Variants in RAD51B observed in about 807,000 individuals in gnomAD.
RAD51B encodes the protein DNA repair protein RAD51 homolog 2.
In RAD51B, 38 loss-of-function variants were observed where a neutral mutation model predicts 42.2. The observed-to-expected ratio is 0.90, with a 90% CI of 0.70 to 1.18. The LOEUF is 1.18. Among genes scored for constraint, RAD51B ranks in the 50% most tolerant of loss-of-function variants. RAD51B has a pLI of 0.00. For synonymous variants in RAD51B, 154 were observed against 145.2 expected (o/e 1.06, Z -0.43); for missense variants, 373 against 400.7 (o/e 0.93, Z 0.59).
At chr14:68,514,302 G>A (rs533050417) in intron 10 of RAD51B, among the ~76,000 whole-genome samples, 3 of 152,188 alleles carry the variant, frequency 2.0e-5, no homozygotes, top group Non-Finnish European at 2.9e-5. Context: ...CAGTCTTGCA[G>A]CACTTAGCAG....
chr14:68,156,460 T>TCTCTCTCC (rs2078510593), intron 7 of RAD51B, among the ~76,000 whole-genome samples: 1 of 136,266 alleles, frequency 7.3e-6, no homozygotes, highest in Non-Finnish European at 1.6e-5. Context: ...AAAATTTCTC[T>TCTCTCTCC]CTCTCTCTCT....
chr14:68,250,691 G>A (rs930726685), intron 7 of RAD51B, among the ~76,000 whole-genome samples: 4 of 152,138 alleles, frequency 2.6e-5, no homozygotes, highest in Admixed American at 6.5e-5. Context: ...CAGGACAACC[G>A]GCATTAATTC....
At chr14:67,891,964 C>T (rs944863537) in intron 7 of RAD51B, among the ~76,000 whole-genome samples, 2 of 152,110 alleles carry the variant, frequency 1.3e-5, no homozygotes, top group African/African-American at 4.8e-5. Context: ...AAGTAGGAAT[C>T]CTAGACCCTT....
intron 11 of RAD51B, among the ~76,000 whole-genome samples, chr14:68,678,297 T>C (rs548347559): frequency 2.0e-5 from 3 of 152,270 alleles, no homozygotes; most frequent in African/African-American, 7.2e-5. Flanking sequence ...ACCTCCTCGG[T>C]TTACCCTTGT....
intron 7 of RAD51B, chr14:68,000,239 T>C (rs1041072997): frequency 6.6e-6 from 1 of 152,146 alleles, no homozygotes; most frequent in Non-Finnish European, 1.5e-5. Flanking sequence ...ATTTCATTAA[T>C]ATTAAACTCC....
At chr14:68,029,894 T>A (rs2076014833) in intron 7 of RAD51B, among the ~76,000 whole-genome samples, 2 of 152,148 alleles carry the variant, frequency 1.3e-5, no homozygotes, top group Admixed American at 1.3e-4. Flanking sequence ...ACAGAATGGG[T>A]CTTGTGTTAG....
intron 7 of RAD51B, among the ~76,000 whole-genome samples, chr14:67,887,757 C>T (rs1485467104): frequency 6.6e-6 from 1 of 152,132 alleles, no homozygotes; most frequent in Non-Finnish European, 1.5e-5. Flanking sequence ...GTAAGAAAAC[C>T]TTGAAAGATT....
At chr14:68,061,133 A>G (rs1025377135) in intron 7 of RAD51B, among the ~76,000 whole-genome samples, 1 of 146,232 alleles carries the variant, frequency 6.8e-6, no homozygotes, top group Non-Finnish European at 1.5e-5. Flanking sequence ...CAGTCTCTCA[A>G]TCTTGGCTCA....
intron 7 of RAD51B, among the ~76,000 whole-genome samples, chr14:67,974,109 G>A (rs1411978270): frequency 2.0e-5 from 3 of 152,002 alleles, no homozygotes; most frequent in Admixed American, 6.6e-5. Flanking sequence ...TAATTAAAAC[G>A]GAGGTTTGTG....
intron 7 of RAD51B, among the ~76,000 whole-genome samples, chr14:68,178,768 G>C (rs1314990857): frequency 6.6e-6 from 1 of 152,194 alleles, no homozygotes; most frequent in Admixed American, 6.6e-5. Flanking sequence ...CCCACAGTTT[G>C]ACACATTCAT....
intron 10 of RAD51B, among the ~76,000 whole-genome samples, chr14:68,503,212 G>A (rs918014261): frequency 3.9e-5 from 6 of 152,226 alleles, no homozygotes; most frequent in South Asian, 2.1e-4. Context: ...GGTGGAGGGC[G>A]TAATGATGGG....
intron 10 of RAD51B, among the ~76,000 whole-genome samples, chr14:68,610,843 ATGTG>A (rs60173412): frequency 0.046 from 6,628 of 144,926 alleles, 168 homozygotes; most frequent in African/African-American, 0.067. Flanking sequence ...CTGAATGTAT[ATGTG>A]TGTGTGTGTG....
At chr14:68,539,170 G>A (rs71423318) in intron 10 of RAD51B, among the ~76,000 whole-genome samples, 27,750 of 152,126 alleles carry the variant, frequency 0.18, 3,243 homozygotes, top group Non-Finnish European at 0.27. Flanking sequence ...GCTCTCCACA[G>A]GGATCCCCCC....
At position 67,863,116 on chromosome 14, in the gene RAD51B, G is replaced by C. The variant is rs1371565366; in HGVS notation, c.316-1887G>C. 2.7e-5 allele frequency among the ~76,000 whole-genome samples: 4 copies of C among 147,658 alleles called. No individual in the cohort carries two copies. In the East Asian group the frequency reaches 8.0e-4, roughly 29 times the overall value. On this transcript the variant is annotated intron_variant, in intron 4 of 10. Transcript: ENST00000471583. ...TTAAAGTCTAAATGATCATTGTAAA[G>C]ATTATAAACCAGCATATAGTTTTAA...
chr14:67,995,393 AAC>A (rs1410853428), intron 7 of RAD51B, among the ~76,000 whole-genome samples: 20 of 151,892 alleles, frequency 1.3e-4, no homozygotes, highest in African/African-American at 4.6e-4. Flanking sequence ...CAAAAACAAC[AAC>A]AACAACAACA....
At chr14:68,544,857 C>G (rs561418376) in intron 10 of RAD51B, among the ~76,000 whole-genome samples, 3 of 152,156 alleles carry the variant, frequency 2.0e-5, no homozygotes, top group Admixed American at 2.0e-4. Flanking sequence ...ACCTATCCAC[C>G]TTCCTCCCAT....
At chr14:68,112,470 G>A (rs17104947) in intron 7 of RAD51B, among the ~76,000 whole-genome samples, 17,742 of 152,130 alleles carry the variant, frequency 0.12, 3,184 homozygotes, top group African/African-American at 0.38. Flanking sequence ...CAGAATGTGC[G>A]TAGAGATACA....
At chr14:68,287,095 A>T in intron 7 of RAD51B, among the ~76,000 whole-genome samples, 1 of 152,110 alleles carries the variant, frequency 6.6e-6, no homozygotes, top group East Asian at 1.9e-4. Context: ...AGTTCATCCC[A>T]TCTTTAACTG....
chr14:67,845,636 C>T (rs992561268), intron 4 of RAD51B, among the ~76,000 whole-genome samples: 2 of 152,028 alleles, frequency 1.3e-5, no homozygotes, highest in African/African-American at 2.4e-5. Context: ...CCACTGCACT[C>T]CAGCCTGGGT....
Sources: allele counts gnomAD v4.1 joint callset (sites outside exome capture counted in the v4.1 genomes callset), GRCh38; gene constraint gnomAD v4.1.1; transcripts MANE v1.5; gene names NCBI Gene and HGNC (gene_info 2026-07-23, HGNC 2026-07-21).